Variants in SLC25A26 observed in about 807,000 individuals in gnomAD.
SLC25A26 encodes mitochondrial S-adenosylmethionine carrier protein.
SLC25A26 carries 36 observed loss-of-function variants against 37.8 expected under a neutral mutation model. That is an observed-to-expected ratio of 0.95 (90% CI 0.73 to 1.26). The LOEUF is 1.26. Among genes scored for constraint, SLC25A26 ranks in the 50% most tolerant of loss-of-function variants. SLC25A26 has a pLI of 0.00. For synonymous variants in SLC25A26, 129 were observed against 122.5 expected (o/e 1.05, Z -0.35); for missense variants, 390 against 331.1 (o/e 1.18, Z -1.38).
intron 2 of SLC25A26, among the ~76,000 whole-genome samples, chr3:66,238,795 TGAG>T (rs375746555): frequency 1.7e-4 from 26 of 151,420 alleles, no homozygotes; most frequent in African/African-American, 6.1e-4. Context: ...TTGAGTAGGC[TGAG>T]GAGGAGGAGG....
intron 1 of SLC25A26, among the ~76,000 whole-genome samples, chr3:66,155,749 ACT>A (rs1389775316): frequency 6.6e-6 from 1 of 152,110 alleles, no homozygotes; most frequent in Non-Finnish European, 1.5e-5. Flanking sequence ...AAACCAGCAC[ACT>A]CAAATCAGCA....
At chr3:66,175,752 C>T (rs908434268) in intron 1 of SLC25A26, among the ~76,000 whole-genome samples, 4 of 152,192 alleles carry the variant, frequency 2.6e-5, no homozygotes, top group Non-Finnish European at 1.5e-5. Context: ...AAGGAATTCT[C>T]TCTTACTCTA....
chr3:66,175,798 A>G (rs992442481), intron 1 of SLC25A26, among the ~76,000 whole-genome samples: 2 of 152,160 alleles, frequency 1.3e-5, no homozygotes, highest in South Asian at 2.1e-4. Context: ...CAGGCCTTCA[A>G]CTGATTGCAT....
intron 1 of SLC25A26, among the ~76,000 whole-genome samples, chr3:66,169,790 C>G (rs750009760): frequency 9.2e-5 from 14 of 152,190 alleles, no homozygotes; most frequent in Middle Eastern, 6.8e-3. Flanking sequence ...TGGTGTGATG[C>G]TGAATCAAAA....
chr3:66,183,568 G>C (rs1345274948), intron 1 of SLC25A26, among the ~76,000 whole-genome samples: 1 of 151,822 alleles, frequency 6.6e-6, no homozygotes, highest in East Asian at 1.9e-4. Flanking sequence ...TGTTGACCCT[G>C]GACATATACC....
chr3:66,287,906 A>C (rs2074567822), intron 5 of SLC25A26, among the ~76,000 whole-genome samples: 1 of 152,296 alleles, frequency 6.6e-6, no homozygotes, highest in South Asian at 2.1e-4. Context: ...GATTATAGAA[A>C]TTTTCTTTGT....
At position 66,371,288 on chromosome 3, in the gene SLC25A26, C is replaced by T. The variant is rs150119146; in HGVS notation, c.707+686C>T. On this transcript the variant is annotated intron_variant, in intron 9 of 9. Transcript: ENST00000354883. ...GGTCGGCAGCTGCCTGGACTTCGGG[C>T]GTCTCAGCTGGCAGTGCCACCTCCT... 1.5e-3 allele frequency: 2,399 copies of T among 1,549,676 alleles called. 46 individuals carry two copies. The Admixed American group carries it at 0.032, about 21-fold the overall frequency.
chr3:66,148,206 T>A (rs1463541591), intron 1 of SLC25A26, among the ~76,000 whole-genome samples: 1 of 152,244 alleles, frequency 6.6e-6, no homozygotes, highest in African/African-American at 2.4e-5. Flanking sequence ...GAGAAATGTC[T>A]ATTCATTTCC....
chr3:66,349,406 G>C (rs560701031), intron 6 of SLC25A26, among the ~76,000 whole-genome samples: 10 of 151,978 alleles, frequency 6.6e-5, no homozygotes, highest in Non-Finnish European at 1.5e-4. Flanking sequence ...GTGAGCCACT[G>C]TTCTGTAGTC....
chr3:66,230,753 C>T (rs541814724), intron 1 of SLC25A26, among the ~76,000 whole-genome samples: 30 of 133,688 alleles, frequency 2.2e-4, no homozygotes, highest in African/African-American at 8.0e-4. Flanking sequence ...TGCAGTGAGC[C>T]GAGATCGTGC....
chr3:66,275,812 A>G (rs897721928), intron 5 of SLC25A26, among the ~76,000 whole-genome samples: 1 of 152,082 alleles, frequency 6.6e-6, no homozygotes, highest in Non-Finnish European at 1.5e-5. Flanking sequence ...TATATTCAAA[A>G]CAGTTTTTGA....
chr3:66,274,304 A>T (rs1189967919), intron 5 of SLC25A26, among the ~76,000 whole-genome samples: 1 of 152,130 alleles, frequency 6.6e-6, no homozygotes, highest in Non-Finnish European at 1.5e-5. Flanking sequence ...ACCCTAGAAG[A>T]AAACCTAGGC....
At chr3:66,362,835 T>C (rs371925276) in intron 6 of SLC25A26, 25 bp from the exon 7 acceptor site, 48 of 1,516,666 alleles carry the variant, frequency 3.2e-5, no homozygotes, top group Non-Finnish European at 4.5e-6. Flanking sequence ...TAATAACTTG[T>C]ATTTTTCTTT....
intron 1 of SLC25A26, among the ~76,000 whole-genome samples, chr3:66,181,981 T>A (rs1193914715): frequency 6.6e-6 from 1 of 152,160 alleles, no homozygotes; most frequent in Non-Finnish European, 1.5e-5. Context: ...TCATTCTCCC[T>A]AAGGGTGGCC....
At chr3:66,175,134 TATATATACACACAC>T (rs1472474829) in intron 1 of SLC25A26, among the ~76,000 whole-genome samples, 3,551 of 72,562 alleles carry the variant, frequency 0.049, 80 homozygotes, top group African/African-American at 0.11. Context: ...TATATATATA[TATATATACACACAC>T]ACACACACAC....
At chr3:66,172,443 G>A in intron 1 of SLC25A26, among the ~76,000 whole-genome samples, 1 of 128,694 alleles carries the variant, frequency 7.8e-6, no homozygotes. Flanking sequence ...AAAAGAAAGA[G>A]GGAGAAAGAG....
At chr3:66,317,112 C>G (rs1190521448) in intron 5 of SLC25A26, among the ~76,000 whole-genome samples, 2 of 152,194 alleles carry the variant, frequency 1.3e-5, no homozygotes, top group Non-Finnish European at 2.9e-5. Flanking sequence ...TGTCAATTCA[C>G]CCATCTCAAG....
chr3:66,180,580 C>T (rs760371599), intron 1 of SLC25A26, among the ~76,000 whole-genome samples: 5 of 152,250 alleles, frequency 3.3e-5, no homozygotes, highest in Non-Finnish European at 5.9e-5. Flanking sequence ...AAACTTGCTT[C>T]GTTCCTTCAC....
chr3:66,215,151 C>T (rs1300166261), intron 1 of SLC25A26, among the ~76,000 whole-genome samples: 2 of 152,078 alleles, frequency 1.3e-5, no homozygotes, highest in South Asian at 2.1e-4. Context: ...AAAACAAAAA[C>T]AAAAATGTAA....
Sources: gnomAD v4.1 joint callset for allele counts (sites outside exome capture counted in the v4.1 genomes callset) on GRCh38, gnomAD v4.1.1 for gene constraint, MANE v1.5 for transcripts, NCBI Gene and HGNC (gene_info 2026-07-23, HGNC 2026-07-21) for gene names.